WSB2: variants seen among roughly 807,000 people sequenced by gnomAD.
WSB2 encodes WD repeat and SOCS box containing 2.
In WSB2, 12 loss-of-function variants were observed where a neutral mutation model predicts 48.8. The observed-to-expected ratio is 0.25, with a 90% CI of 0.16 to 0.40. WSB2 has a LOEUF of 0.40. WSB2 is among the 10% of genes least tolerant of loss of function. The pLI is 1.00. For synonymous variants in WSB2, 191 were observed against 203.1 expected (o/e 0.94, Z 0.51); for missense variants, 317 against 506.2 (o/e 0.63, Z 3.59).
chr12:118,061,949 G>C (rs1041689474), upstream of WSB2: 3 of 707,274 alleles, frequency 4.2e-6, no homozygotes, highest in Non-Finnish European at 6.7e-6. Flanking sequence ...AACAAGGGGG[G>C]CTACTCAATG....
At chr12:118,038,160 C>T (rs1566136443) in intron 5 of WSB2, 128 bp downstream of exon 5, 8 of 781,132 alleles carry the variant, frequency 1.0e-5, no homozygotes, top group Non-Finnish European at 1.6e-5. Context: ...AGGTGGTGGC[C>T]ATGGCCCACC....
At chr12:118,036,030 C>A in intron 6 of WSB2, 1 of 193,806 alleles carries the variant, frequency 5.2e-6, no homozygotes, top group Non-Finnish European at 1.1e-5. Context: ...GGTGAAACCC[C>A]ATCTCTAATA....
Position 118,033,955 on chromosome 12 carries a change from A to G in WSB2, c.*241T>C, listed in dbSNP as rs10638. 179,641 of 516,872 alleles carry G rather than the reference A, an allele frequency of 0.35. 32,876 individuals carry two copies. The highest frequency in any genetic ancestry group is 0.52 in the East Asian group (15,480 of 29,610). The allele number at this position is 516,872 out of a possible 1,614,324, so 32.0% of individuals were successfully genotyped here. ...ACTTGCTGTTCATAACTGGACTGAA[A>G]ATTTAACGTAAGGCTCTGTTGCCGT... is the stretch of plus-strand genomic sequence containing the variant. On this transcript the variant is annotated 3_prime_UTR_variant, in exon 9 of 9. Coordinates refer to ENST00000315436, the MANE Select transcript of WSB2 (RefSeq NM_018639.5).
At chr12:118,061,663 A>T (rs1372586590), upstream of WSB2, among the ~76,000 whole-genome samples, 1 of 146,344 alleles carries the variant, frequency 6.8e-6, no homozygotes, top group Non-Finnish European at 1.5e-5. Context: ...GGAGAGAGGG[A>T]GACCGAGGGC....
chr12:118,040,661 A>C (rs2031617426), intron 4 of WSB2, among the ~76,000 whole-genome samples: 1 of 151,978 alleles, frequency 6.6e-6, no homozygotes, highest in African/African-American at 2.4e-5. Flanking sequence ...TCTCAAAAAA[A>C]AAAAAAAAAG....
At chr12:118,045,559 G>A (rs961398338) in intron 2 of WSB2, among the ~76,000 whole-genome samples, 3 of 151,430 alleles carry the variant, frequency 2.0e-5, no homozygotes, top group Admixed American at 6.6e-5. Context: ...TTAGCTGGAC[G>A]TGGTGGCAGG....
chr12:118,060,957 C>CCG lies in WSB2; in HGVS notation c.13+78_13+79insCG. 12 of 719,574 alleles carry CCG rather than the reference C, an allele frequency of 1.7e-5. No individual in the cohort carries two copies. The highest frequency in any genetic ancestry group is 2.0e-5 in the Non-Finnish European group (12 of 586,250). 44.6% of individuals were successfully genotyped at this position (719,574 alleles called of 1,614,324 possible). On this transcript the variant is annotated intron_variant, in intron 1 of 8. Coordinates refer to ENST00000315436, the MANE Select transcript of WSB2 (RefSeq NM_018639.5). The surrounding 1 kb of genome is among the most constrained non-coding windows in gnomAD (Gnocchi z 4.1). ...CCGCCCCACCCCGCCCAGCCCGCCC[C>CCG]GGGGTCGCCTCCCCCCTCCCCGGGG... is the stretch of plus-strand genomic sequence containing the variant.
chr12:118,057,252 G>C (rs1323092592), intron 1 of WSB2, among the ~76,000 whole-genome samples: 1 of 152,000 alleles, frequency 6.6e-6, no homozygotes, highest in Admixed American at 6.6e-5. Flanking sequence ...TGGTGAAAAG[G>C]CCTATGAATC....
intron 1 of WSB2, among the ~76,000 whole-genome samples, chr12:118,053,094 T>A (rs2031885962): frequency 6.6e-6 from 1 of 152,164 alleles, no homozygotes. Flanking sequence ...TCAGTCTTCC[T>A]ACCCCTAGAG....
intron 2 of WSB2, among the ~76,000 whole-genome samples, chr12:118,050,085 A>G (rs7306158): frequency 0.032 from 4,845 of 152,246 alleles, 256 homozygotes; most frequent in African/African-American, 0.11. Context: ...CTGTAATCCC[A>G]GCTACTCAGG....
intron 2 of WSB2, among the ~76,000 whole-genome samples, chr12:118,050,509 C>T (rs192829866): frequency 3.3e-5 from 5 of 151,994 alleles, no homozygotes; most frequent in East Asian, 1.9e-4. Flanking sequence ...GGCATGGTGG[C>T]GCGCCTGTAG....
chr12:118,043,837 C>T (rs2031691083), intron 2 of WSB2, among the ~76,000 whole-genome samples: 1 of 152,028 alleles, frequency 6.6e-6, no homozygotes, highest in African/African-American at 2.4e-5. Context: ...TTGATGTAGG[C>T]CAGGCGTGGT....
Sources: allele counts gnomAD v4.1 joint callset (sites outside exome capture counted in the v4.1 genomes callset), GRCh38; gene constraint gnomAD v4.1.1; non-coding constraint Gnocchi (gnomAD v3.1); transcripts MANE v1.5; gene names NCBI Gene and HGNC (gene_info 2026-07-23, HGNC 2026-07-21).